The following PODXL variants were observed in gnomAD, a reference collection of about 807,000 sequenced individuals.
PODXL encodes the protein podocalyxin.
In PODXL, 20 loss-of-function variants were observed where a neutral mutation model predicts 48.9. That is an observed-to-expected ratio of 0.41 (90% CI 0.29 to 0.59). The LOEUF (loss-of-function observed/expected upper bound fraction) is 0.59, where lower values mean the gene tolerates loss of function less well. PODXL is among the 20% of genes least tolerant of loss of function. The pLI is 0.31. For synonymous variants in PODXL, 295 were observed against 287.4 expected (o/e 1.03, Z -0.27); for missense variants, 606 against 675.1 (o/e 0.90, Z 1.13).
chr7:131,536,422 G>A (rs1056025291), intron 1 of PODXL, among the ~76,000 whole-genome samples: 4 of 152,120 alleles, frequency 2.6e-5, no homozygotes, highest in African/African-American at 7.2e-5. Context: ...GAGGGACCAC[G>A]ACTGTTTCTC....
At chr7:131,515,646 G>A (rs903432261) in intron 1 of PODXL, among the ~76,000 whole-genome samples, 10 of 151,966 alleles carry the variant, frequency 6.6e-5, no homozygotes, top group African/African-American at 9.7e-5. Flanking sequence ...CAGATATTCC[G>A]CCCACCTTGG....
chr7:131,522,344 C>T (rs1253339701), intron 1 of PODXL, among the ~76,000 whole-genome samples: 3 of 151,986 alleles, frequency 2.0e-5, no homozygotes, highest in Non-Finnish European at 4.4e-5. Flanking sequence ...TCCCAGCTAC[C>T]GAGACAGGAG....
chr7:131,555,520 A>G (rs1798727824), intron 1 of PODXL, among the ~76,000 whole-genome samples: 1 of 152,184 alleles, frequency 6.6e-6, no homozygotes, highest in Non-Finnish European at 1.5e-5. Context: ...ATCCTATTCT[A>G]CGAGAGAGAA....
chr7:131,540,816 G>A (rs1030876816), intron 1 of PODXL, among the ~76,000 whole-genome samples: 1 of 152,160 alleles, frequency 6.6e-6, no homozygotes, highest in Non-Finnish European at 1.5e-5. Flanking sequence ...ACAAACAAGG[G>A]CCCCGAGCCA....
rs1482120886 is a variant in PODXL at position 131,511,192 on chromosome 7, G to A, written c.342C>T (p.Gly114=). The change falls in exon 2 of 9, where the codon GGC becomes GGT. Residue 114 remains glycine, a synonymous_variant. Coordinates refer to ENST00000378555, the MANE Select transcript of PODXL (RefSeq NM_001018111.3). ...GGCTCTCGATGGTGGTAGTAGGGTT[G>A]CCTGAGCCGCCTCCTCTAGCCACGG... ...NTTVARGGGS[G]NPTTTIESPK... is the part of the protein sequence containing the mutation. 6.2e-7 allele frequency: 1 copy of A among 1,614,044 alleles called. No individual in the cohort carries two copies.
intron 4 of PODXL, 165 bp downstream of exon 4, chr7:131,509,200 A>C: frequency 2.5e-6 from 2 of 813,504 alleles, no homozygotes; most frequent in South Asian, 3.1e-5. Flanking sequence ...GGGCAGCTCA[A>C]GCCAGGACCA....
At chr7:131,509,088 C>G in intron 4 of PODXL, 60 bp from the exon 5 acceptor site, 1 of 1,421,374 alleles carries the variant, frequency 7.0e-7, no homozygotes, top group African/African-American at 1.4e-5. Flanking sequence ...TTGACATTTC[C>G]CCCCAACTAA....
chr7:131,530,014 C>G (rs1362161198), intron 1 of PODXL, among the ~76,000 whole-genome samples: 1 of 148,946 alleles, frequency 6.7e-6, no homozygotes, highest in African/African-American at 2.6e-5. Context: ...CTGCCCAACC[C>G]TAACACTCAT....
chr7:131,556,342 C>G lies in PODXL; in HGVS notation c.18G>C (p.Ala6=), dbSNP rs1374222624. The G allele has an allele frequency of 4.8e-6, 7 of 1,457,692 alleles. No homozygotes were observed. Among genetic ancestry groups the G allele is most frequent in the Non-Finnish European group, 6.3e-6 (7 of 1,106,176 alleles). The allele number at this position is 1,457,692 out of a possible 1,614,324, so 90.3% of individuals were successfully genotyped here. The part of the protein sequence containing the change: MRCAL[A]LSALLLLLST... ...ACAACAGTAGCAGCAGCGCCGAGAG[C>G]GCCAGCGCGCAGCGCATCGTGTCGT... The change falls in exon 1 of 9, where the codon GCG becomes GCC. Residue 6 remains alanine (A), a synonymous_variant. Coordinates refer to ENST00000378555, the MANE Select transcript of PODXL (RefSeq NM_001018111.3).
In PODXL at chr7:131,556,625, C is replaced by A. The variant is rs979502639; in HGVS notation, c.-266G>T. ...GGCGGCGTCTGCGCGGCTGCGGCCC[C>A]ACTGGCGGCTGCGGCTACTCCTGGC... On this transcript the variant is annotated 5_prime_UTR_variant, in exon 1 of 9. Coordinates refer to ENST00000378555, the MANE Select transcript of PODXL (RefSeq NM_001018111.3). 4.3e-6 allele frequency: 1 copy of A among 232,572 alleles called. No homozygotes were observed. The allele number at this position is 232,572 out of a possible 1,614,324, so 14.4% of individuals were successfully genotyped here.
chr7:131,538,275 G>C (rs113028660), intron 1 of PODXL, among the ~76,000 whole-genome samples: 1 of 152,136 alleles, frequency 6.6e-6, no homozygotes, highest in African/African-American at 2.4e-5. Context: ...TTCTCTGACC[G>C]AGCTTCCCAT....
intron 1 of PODXL, among the ~76,000 whole-genome samples, chr7:131,551,707 C>T (rs1159850517): frequency 3.3e-5 from 5 of 151,596 alleles, no homozygotes; most frequent in Admixed American, 6.6e-5. Flanking sequence ...GAGGCTGAGG[C>T]GGGCGGATCA....
At chr7:131,514,971 T>C (rs1198249187) in intron 1 of PODXL, among the ~76,000 whole-genome samples, 6 of 152,188 alleles carry the variant, frequency 3.9e-5, no homozygotes, top group South Asian at 4.1e-4. Flanking sequence ...TCTGAAACTA[T>C]TGGCATTTTG....
At chr7:131,513,473 A>G (rs1419876777) in intron 1 of PODXL, among the ~76,000 whole-genome samples, 1 of 152,174 alleles carries the variant, frequency 6.6e-6, no homozygotes, top group Non-Finnish European at 1.5e-5. Context: ...CCATTTCTCT[A>G]TATTTGGGAG....
chr7:131,547,789 C>T (rs991818547), intron 1 of PODXL, among the ~76,000 whole-genome samples: 1 of 152,208 alleles, frequency 6.6e-6, no homozygotes, highest in Non-Finnish European at 1.5e-5. Context: ...CCTCAGTGGC[C>T]CCCAAGGCAG....
chr7:131,513,874 G>A (rs552189134), intron 1 of PODXL, among the ~76,000 whole-genome samples: 1 of 152,328 alleles, frequency 6.6e-6, no homozygotes, highest in Non-Finnish European at 1.5e-5. Flanking sequence ...CTACTGAAAA[G>A]CAGAAATGTT....
At chr7:131,517,905 A>T (rs968079527) in intron 1 of PODXL, among the ~76,000 whole-genome samples, 2 of 151,998 alleles carry the variant, frequency 1.3e-5, no homozygotes, top group Non-Finnish European at 2.9e-5. Flanking sequence ...CACCAGGCTA[A>T]TTTTTGTATT....
At chr7:131,532,854 T>G (rs1240373667) in intron 1 of PODXL, among the ~76,000 whole-genome samples, 1 of 152,134 alleles carries the variant, frequency 6.6e-6, no homozygotes, top group East Asian at 1.9e-4. Flanking sequence ...AGAACTTCTC[T>G]CTGCCCGGTG....
At chr7:131,554,919 T>C (rs138793428) in intron 1 of PODXL, among the ~76,000 whole-genome samples, 244 of 152,282 alleles carry the variant, frequency 1.6e-3, no homozygotes, top group African/African-American at 5.6e-3. Flanking sequence ...TGATTGCCAC[T>C]CTGAAAGCTG....
Sources: gnomAD v4.1 joint callset for allele counts (sites outside exome capture counted in the v4.1 genomes callset) on GRCh38, gnomAD v4.1.1 for gene constraint, MANE v1.5 for transcripts, NCBI Gene and HGNC (gene_info 2026-07-23, HGNC 2026-07-21) for gene names.